Variants in MYOZ1 observed in about 807,000 individuals in gnomAD.
MYOZ1 encodes the protein myozenin 1, also known as myozenin-1.
In MYOZ1, 20 loss-of-function variants were observed where a neutral mutation model predicts 28.7. The observed-to-expected ratio is 0.70, with a 90% confidence interval of 0.49 to 1.01. The LOEUF is 1.01. MYOZ1 is among the 50% of genes least tolerant of loss of function. MYOZ1 has a pLI of 0.00. For synonymous variants in MYOZ1, 144 were observed against 145.8 expected (o/e 0.99, Z 0.09); for missense variants, 371 against 372.4 (o/e 1.00, Z 0.03).
intron 1 of MYOZ1, 48 bp from the exon 2 acceptor site, chr10:73,640,083 AGAGT>A: frequency 6.8e-7 from 1 of 1,477,732 alleles, no homozygotes; most frequent in Non-Finnish European, 9.4e-7. Flanking sequence ...GGGACTGGGA[AGAGT>A]GAGTGTCTGT....
Position 73,639,980 on chromosome 10 carries a change from CTCT to C in MYOZ1, c.35_37del (p.Lys12del), listed in dbSNP as rs2081693506. 1.9e-6 allele frequency: 3 copies of C among 1,613,920 alleles called. No homozygotes were observed. Among genetic ancestry groups the C allele is most frequent in the Middle Eastern group, 3.3e-4 (2 of 6,052 alleles). ...TTCCATGATCAGCTTGCTGGATTTCCTCTTCTTATTAGGGGCCGGGGTTCCTGA... is the reference window on the plus strand; with the variant it reads ...TTCCATGATCAGCTTGCTGGATTTCCTCTTATTAGGGGCCGGGGTTCCTGA... On this transcript the variant is annotated inframe_deletion, in exon 2 of 6. Coordinates refer to ENST00000359322, the MANE Select transcript of MYOZ1 (RefSeq NM_021245.4).
intron 3 of MYOZ1, among the ~76,000 whole-genome samples, chr10:73,635,191 C>T (rs553921943): frequency 1.7e-4 from 26 of 151,596 alleles, no homozygotes; most frequent in Admixed American, 8.5e-4. Context: ...CCCAAAGTGC[C>T]GGGATTACAG....
intron 2 of MYOZ1, 119 bp downstream of exon 2, chr10:73,639,826 C>A: frequency 2.0e-6 from 2 of 984,206 alleles, no homozygotes; most frequent in South Asian, 3.1e-5. Context: ...TCCCCATCAC[C>A]CGCCTTCCCA....
In MYOZ1 at chr10:73,637,844, A is replaced by C. The variant is rs748747050; in HGVS notation, c.152T>G (p.Leu51Arg). Residue 51 changes from leucine to arginine, a missense_variant, in exon 3 of 6, where the codon CTG (leucine) becomes CGG (arginine). By Grantham distance (102) the Leu-to-Arg change is moderately radical. Transcript: ENST00000359322. ...PRDVMLEELS[L>R]LTNRGSKMFK... Reference sequence around the variant, plus strand: ...CATCTTGGAGCCCCGGTTGGTAAGCAGCGACAGTTCCTCCAACATCACATC... The same window carrying C: ...CATCTTGGAGCCCCGGTTGGTAAGCCGCGACAGTTCCTCCAACATCACATC... 5 of 1,614,162 alleles carry C rather than the reference A, an allele frequency of 3.1e-6. No homozygotes were observed. Among genetic ancestry groups the C allele is most frequent in the Non-Finnish European group, 8.5e-7 (1 of 1,180,042 alleles).
chr10:73,637,438 C>A (rs2081674114), intron 3 of MYOZ1, among the ~76,000 whole-genome samples: 1 of 152,150 alleles, frequency 6.6e-6, no homozygotes, highest in Non-Finnish European at 1.5e-5. Context: ...GACTGGACTG[C>A]CCCACTGGGC....
rs759629947 is a variant in MYOZ1, at chr10:73,632,024, T to C, written c.806A>G (p.Asn269Ser). ...NQNLSNRPSF[N>S]RTPIPWLSSG... ...GCTCAGCCAGGGAATAGGGGTTCGA[T>C]TGAAAGAAGGCCTGTTGGAGAGGTT... The change falls in exon 6 of 6, where the codon AAT becomes AGT. Residue 269 changes from asparagine to serine, a missense_variant. Coordinates refer to ENST00000359322, the MANE Select transcript of MYOZ1 (RefSeq NM_021245.4). 6.8e-5 allele frequency: 110 copies of C among 1,614,094 alleles called. 2 individuals carry two copies. The Middle Eastern group carries it at 1.2e-3, about 17-fold the overall frequency.
intron 2 of MYOZ1, 87 bp from the exon 3 acceptor site, chr10:73,638,009 G>GT: frequency 2.6e-6 from 3 of 1,171,238 alleles, no homozygotes; most frequent in Non-Finnish European, 3.7e-6. Context: ...CCACAACTAA[G>GT]TGTGTATGTG....
chr10:73,637,010 C>CTT (rs200349316), intron 3 of MYOZ1, among the ~76,000 whole-genome samples: 8,759 of 136,774 alleles, frequency 0.064, 1,230 homozygotes, highest in African/African-American at 0.24. Context: ...TTTCTTTTTT[C>CTT]TTTCTTTTTT....
intron 5 of MYOZ1, among the ~76,000 whole-genome samples, chr10:73,633,532 C>G (rs1018230958): frequency 2.0e-5 from 3 of 152,012 alleles, no homozygotes; most frequent in African/African-American, 7.3e-5. Context: ...AGTTCGAGAC[C>G]TGCCTGGGCG....
Position 73,634,685 on chromosome 10 carries a change from C to A in MYOZ1, c.301G>T (p.Ala101Ser). 1 of 1,614,232 alleles carries A rather than the reference C, an allele frequency of 6.2e-7. No individual in the cohort carries two copies. The highest frequency in any genetic ancestry group is 8.5e-7 in the Non-Finnish European group (1 of 1,180,030). The change falls in exon 4 of 6, where the codon GCT becomes TCT. Residue 101 changes from alanine (A) to serine (S), a missense_variant. By Grantham distance (99) the Ala-to-Ser change is moderately conservative. Coordinates refer to ENST00000359322, the MANE Select transcript of MYOZ1 (RefSeq NM_021245.4). ...LPTVGGQLGTAGQGFSYSKSN... is the reference protein window; with the variant it reads ...LPTVGGQLGTSGQGFSYSKSN... The stretch of plus-strand genomic sequence containing the variant: ...TTGCTGTATGAGAATCCCTGACCAG[C>A]TGTGCCCAGCTGTCCCCCCACTGTT...
At chr10:73,639,726 G>T (rs1331340596) in intron 2 of MYOZ1, among the ~76,000 whole-genome samples, 3 of 152,128 alleles carry the variant, frequency 2.0e-5, no homozygotes, top group Non-Finnish European at 4.4e-5. Context: ...ACATGGCAGG[G>T]TATTGTCTCA....
rs187087657 is a variant in MYOZ1 at position 73,640,167 on chromosome 10, G to T, written c.-18-132C>A. ...CAAAAAAATTTTTTTTTCTTTTTTAGAGACAGGATCTCACTCTGTCGCCCA... is the reference window on the plus strand; with the variant it reads ...CAAAAAAATTTTTTTTTCTTTTTTATAGACAGGATCTCACTCTGTCGCCCA... On this transcript the variant is annotated intron_variant, in intron 1 of 5. Coordinates refer to ENST00000359322, the MANE Select transcript of MYOZ1 (RefSeq NM_021245.4). The T allele has an allele frequency of 6.4e-6, 4 of 625,976 alleles. No homozygotes were observed. The Admixed American group carries it at 1.2e-4, about 19-fold the overall frequency. The allele number at this position is 625,976 out of a possible 1,614,324, so 38.8% of individuals were successfully genotyped here.
chr10:73,636,494 AGGCT>A (rs2081668040), intron 3 of MYOZ1, among the ~76,000 whole-genome samples: 1 of 152,028 alleles, frequency 6.6e-6, no homozygotes, highest in African/African-American at 2.4e-5. Context: ...TCTGTCACCC[AGGCT>A]GGAGTGCAGT....
intron 3 of MYOZ1, among the ~76,000 whole-genome samples, chr10:73,635,554 A>AT (rs796385677): frequency 0.017 from 2,510 of 144,518 alleles, 76 homozygotes; most frequent in African/African-American, 0.057. Context: ...TAAATTTTGT[A>AT]TTTTTTTTTT....
intron 1 of MYOZ1, among the ~76,000 whole-genome samples, chr10:73,641,209 C>G (rs1046683489): frequency 7.9e-5 from 12 of 152,102 alleles, no homozygotes; most frequent in Non-Finnish European, 4.4e-5. Context: ...GTGCCTCCCC[C>G]GACATCTCCA....
At position 73,639,402 on chromosome 10, in the gene MYOZ1, G is replaced by A. The variant is rs557372803; in HGVS notation, c.73+543C>T. Among the ~76,000 whole-genome samples the A allele has an allele frequency of 1.6e-4, 24 of 152,294 alleles. No homozygotes were observed. In the South Asian group the frequency reaches 5.0e-3, roughly 32 times the overall value. On this transcript the variant is annotated intron_variant, in intron 2 of 5. Transcript: ENST00000359322. ...CTCCCAAAGTTCTGGGATTACAGGC[G>A]TGAGCCACTGCACCTGGCCCAGACT...
In MYOZ1 at chr10:73,632,153, A is replaced by T. The variant is rs760989673; in HGVS notation, c.677T>A (p.Met226Lys). 1 of 1,614,088 alleles carries T rather than the reference A, an allele frequency of 6.2e-7. No individual in the cohort carries two copies. The highest frequency in any genetic ancestry group is 1.7e-5 in the Admixed American group (1 of 60,024). The change falls in exon 6 of 6, where the codon ATG (methionine) becomes AAG (lysine). Residue 226 changes from methionine to lysine, a missense_variant. Coordinates refer to ENST00000359322, the MANE Select transcript of MYOZ1 (RefSeq NM_021245.4). ...PKYKSFNRTA[M>K]PYGGYEKASK... The stretch of plus-strand genomic sequence containing the variant: ...GGCCTTCTCATATCCACCATAGGGC[A>T]TTGCCGTCCTGAGAAGGGGACACAT...
At chr10:73,636,201 G>A (rs924309157) in intron 3 of MYOZ1, among the ~76,000 whole-genome samples, 3 of 152,180 alleles carry the variant, frequency 2.0e-5, no homozygotes, top group African/African-American at 4.8e-5. Context: ...TTCTTCCTCA[G>A]CTATACCATC....
intron 3 of MYOZ1, among the ~76,000 whole-genome samples, chr10:73,636,618 G>C (rs1213797750): frequency 6.6e-6 from 1 of 151,878 alleles, no homozygotes; most frequent in Non-Finnish European, 1.5e-5. Context: ...ACCAGACCCA[G>C]CTAACTTTTT....
Sources: allele counts gnomAD v4.1 joint callset (sites outside exome capture counted in the v4.1 genomes callset), GRCh38; gene constraint gnomAD v4.1.1; transcripts MANE v1.5; gene names NCBI Gene and HGNC (gene_info 2026-07-23, HGNC 2026-07-21).